Variants in STRN3 observed in about 807,000 individuals in gnomAD.
STRN3 encodes the protein striatin 3, also known as striatin-3.
In STRN3, 29 loss-of-function variants were observed where a neutral mutation model predicts 95.6. The ratio of observed to expected loss-of-function variants is 0.30; its 90% CI spans 0.23 to 0.41. The LOEUF (loss-of-function observed/expected upper bound fraction) is 0.41, where lower values mean the gene tolerates loss of function less well. STRN3 is among the 10% of genes least tolerant of loss of function. The pLI is 1.00. For synonymous variants in STRN3, 331 were observed against 357.6 expected (o/e 0.93, Z 0.84); for missense variants, 890 against 972.1 (o/e 0.92, Z 1.12).
Position 30,894,903 on chromosome 14 carries a change from TTTTTTA to T in STRN3, c.*502_*507del. The stretch of plus-strand genomic sequence containing the variant: ...TTAAATTTTCTTTTTCTTTTTTTTT[TTTTTTA>T]AAGCAAAATAAGTTTAAAAGGGAAT... On this transcript the variant is annotated 3_prime_UTR_variant, in exon 18 of 18. Coordinates refer to ENST00000357479, the MANE Select transcript of STRN3 (RefSeq NM_001083893.2). 9.4e-7 allele frequency: 1 copy of T among 1,066,874 alleles called. No homozygotes were observed. Among genetic ancestry groups the T allele is most frequent in the Admixed American group, 3.4e-5 (1 of 29,124 alleles). 66.1% of individuals were successfully genotyped at this position (1,066,874 alleles called of 1,614,324 possible).
At chr14:30,903,091 T>A (rs983605257) in intron 15 of STRN3, among the ~76,000 whole-genome samples, 2 of 150,270 alleles carry the variant, frequency 1.3e-5, no homozygotes, top group African/African-American at 4.9e-5. Flanking sequence ...TCTTTAAAGA[T>A]GAGATTTTTT....
chr14:30,916,441 A>AT (rs891390473), intron 9 of STRN3, among the ~76,000 whole-genome samples: 1 of 151,712 alleles, frequency 6.6e-6, no homozygotes, highest in Non-Finnish European at 1.5e-5. Context: ...CGCCCAGCTA[A>AT]TTTTTTTGTA....
At chr14:30,936,698 T>C in intron 5 of STRN3, 74 bp from the exon 6 acceptor site, 1 of 1,520,678 alleles carries the variant, frequency 6.6e-7, no homozygotes, top group African/African-American at 1.4e-5. Flanking sequence ...GTTCCCATTT[T>C]AAATCAATTC....
intron 1 of STRN3, among the ~76,000 whole-genome samples, chr14:31,000,914 G>A (rs1882419931): frequency 6.6e-6 from 1 of 151,698 alleles, no homozygotes; most frequent in Non-Finnish European, 1.5e-5. Context: ...AGCAACCTAA[G>A]AAAAGGGGAT....
At chr14:31,012,371 G>A (rs1883008652) in intron 1 of STRN3, among the ~76,000 whole-genome samples, 1 of 152,150 alleles carries the variant, frequency 6.6e-6, no homozygotes, top group South Asian at 2.1e-4. Flanking sequence ...ATGAAATAAA[G>A]TGTCACACAA....
chr14:31,020,250 G>A (rs920300412), intron 1 of STRN3, among the ~76,000 whole-genome samples: 2 of 151,804 alleles, frequency 1.3e-5, no homozygotes, highest in African/African-American at 4.8e-5. Flanking sequence ...TGTAATCCTA[G>A]CACTTTGGGA....
At chr14:30,912,282 T>A in intron 10 of STRN3, 100 bp from the exon 11 acceptor site, 1 of 1,133,492 alleles carries the variant, frequency 8.8e-7, no homozygotes, top group Non-Finnish European at 1.2e-6. Context: ...CACATATATT[T>A]AAAACTGTTG....
At chr14:31,003,791 T>G (rs1427072502) in intron 1 of STRN3, among the ~76,000 whole-genome samples, 1 of 86,714 alleles carries the variant, frequency 1.2e-5, no homozygotes, top group African/African-American at 3.8e-5. Context: ...AAAACACATC[T>G]TTCTTAAAAA....
chr14:30,977,794 G>GAAAAAAAAAAAAAAAAAAAAAAAA (rs869303485), intron 1 of STRN3, among the ~76,000 whole-genome samples: 2 of 109,926 alleles, frequency 1.8e-5, no homozygotes, highest in Non-Finnish European at 3.5e-5. Flanking sequence ...ACTCTATCTC[G>GAAAAAAAAAAAAAAAAAAAAAAAA]AAAAAAAAAA....
At chr14:30,990,676 AG>A (rs1881911672) in intron 1 of STRN3, among the ~76,000 whole-genome samples, 1 of 152,140 alleles carries the variant, frequency 6.6e-6, no homozygotes, top group African/African-American at 2.4e-5. Flanking sequence ...GAGCGGTTTC[AG>A]GACCCTCCTA....
chr14:30,897,787 C>A (rs990426140), intron 16 of STRN3, among the ~76,000 whole-genome samples: 1 of 152,144 alleles, frequency 6.6e-6, no homozygotes, highest in Non-Finnish European at 1.5e-5. Flanking sequence ...GAAAAGTCTT[C>A]AACAAACTAT....
At chr14:30,945,716 C>A (rs755183667) in intron 5 of STRN3, among the ~76,000 whole-genome samples, 1 of 152,158 alleles carries the variant, frequency 6.6e-6, no homozygotes, top group Non-Finnish European at 1.5e-5. Context: ...CATGCTATAA[C>A]ACGGATAAAC....
Position 30,935,312 on chromosome 14 carries a change from T to C in STRN3, c.847-8A>G, listed in dbSNP as rs1028575449. The C allele has an allele frequency of 6.2e-7, 1 of 1,612,176 alleles. No homozygotes were observed. Among genetic ancestry groups the C allele is most frequent in the Non-Finnish European group, 8.5e-7 (1 of 1,179,136 alleles). On this transcript the variant is annotated splice_region_variant and splice_polypyrimidine_tract_variant and intron_variant, in intron 6 of 17. Transcript: ENST00000357479. Reference sequence around the variant, plus strand: ...TAAACCTTCATTACCTATCTGTAAATAGAATATAAACCAAGAATTACTTTT... The same window carrying C: ...TAAACCTTCATTACCTATCTGTAAACAGAATATAAACCAAGAATTACTTTT...
chr14:30,937,669 T>G (rs1316396291), intron 5 of STRN3, among the ~76,000 whole-genome samples: 3 of 152,218 alleles, frequency 2.0e-5, no homozygotes, highest in Admixed American at 6.5e-5. Context: ...GCTCTGCCAC[T>G]AAGCAGCTGC....
chr14:30,935,391 C>A (rs1878769202), intron 6 of STRN3, 87 bp from the exon 7 acceptor site: 35 of 1,410,282 alleles, frequency 2.5e-5, no homozygotes, highest in South Asian at 1.4e-4. Context: ...CATTTACACA[C>A]CCATTTTAAA....
chr14:30,951,737 AAAATT>A, intron 3 of STRN3, among the ~76,000 whole-genome samples: 1 of 152,320 alleles, frequency 6.6e-6, no homozygotes, highest in Non-Finnish European at 1.5e-5. Flanking sequence ...TTTTGGAACT[AAAATT>A]AAACCAGAAA....
At position 30,954,587 on chromosome 14, in the gene STRN3, C is replaced by T. The variant is rs193013476; in HGVS notation, c.460+1033G>A. ...CTACATAACTGAAAACATTTTACTT[C>T]GCTGTTATTGTGTGTCCTGTAAAGA... On this transcript the variant is annotated intron_variant, in intron 3 of 17. Transcript: ENST00000357479. 6.3e-4 allele frequency among the ~76,000 whole-genome samples: 96 copies of T among 152,234 alleles called. 1 individual carries two copies. Among genetic ancestry groups the T allele is most frequent in the Non-Finnish European group, 1.9e-4 (13 of 68,014 alleles).
At chr14:30,914,536 A>G (rs1423794220) in intron 9 of STRN3, among the ~76,000 whole-genome samples, 1 of 151,968 alleles carries the variant, frequency 6.6e-6, no homozygotes, top group African/African-American at 2.4e-5. Flanking sequence ...TGTTTTTAGT[A>G]GAGATGGGCT....
intron 1 of STRN3, among the ~76,000 whole-genome samples, chr14:31,002,539 A>G (rs2139294568): frequency 6.6e-6 from 1 of 150,888 alleles, no homozygotes; most frequent in Admixed American, 6.6e-5. Flanking sequence ...GCTACTCAGG[A>G]GGCTGAGGTG....
Sources: allele counts gnomAD v4.1 joint callset (sites outside exome capture counted in the v4.1 genomes callset), GRCh38; gene constraint gnomAD v4.1.1; transcripts MANE v1.5; gene names NCBI Gene and HGNC (gene_info 2026-07-23, HGNC 2026-07-21).